The following CDK5RAP2 variants were observed in gnomAD, a reference collection of about 807,000 sequenced individuals.
CDK5RAP2 encodes the protein CDK5 regulatory subunit associated protein 2, also known as CDK5 regulatory subunit-associated protein 2.
A neutral mutation model predicts 232.9 loss-of-function variants in CDK5RAP2; 147 were observed. The observed-to-expected ratio is 0.63, with a 90% CI of 0.55 to 0.72. CDK5RAP2 has a LOEUF of 0.72. CDK5RAP2 is among the 30% of genes least tolerant of loss of function. CDK5RAP2 has a pLI of 0.00. For missense variants in CDK5RAP2, 2,195 were observed against 2,231.5 expected (o/e 0.98, Z 0.33); for synonymous variants, 833 against 833.7 (o/e 1.00, Z 0.01).
chr9:120,470,963 T>C (rs1011720959), intron 16 of CDK5RAP2, among the ~76,000 whole-genome samples: 3 of 152,218 alleles, frequency 2.0e-5, no homozygotes, highest in African/African-American at 7.2e-5. Flanking sequence ...GGCTGAAATC[T>C]GGGCACGTCA....
rs1417114822 is a variant in CDK5RAP2, at chr9:120,447,547, C to T, written c.3025+348G>A. Among the ~76,000 whole-genome samples the T allele has an allele frequency of 1.6e-4, 24 of 152,226 alleles. 1 individual carries two copies. The highest frequency in any genetic ancestry group is 1.6e-3 in the Admixed American group (24 of 15,280). ...TACAGAGAACCCTGCAAAGTGGACC[C>T]TCACTTGCATACCTCTGATGCCACA... On this transcript the variant is annotated intron_variant, in intron 22 of 37. Transcript: ENST00000349780.
At chr9:120,534,893 A>G (rs116229278) in intron 7 of CDK5RAP2, among the ~76,000 whole-genome samples, 71 of 152,294 alleles carry the variant, frequency 4.7e-4, no homozygotes, top group African/African-American at 1.5e-3. Flanking sequence ...GGGTTGGGAG[A>G]GATACAAGGG....
intron 21 of CDK5RAP2, among the ~76,000 whole-genome samples, chr9:120,451,135 C>T (rs532282169): frequency 1.3e-5 from 2 of 152,314 alleles, no homozygotes; most frequent in African/African-American, 4.8e-5. Flanking sequence ...TGGAAGACTG[C>T]CGTCAGTCAA....
intron 3 of CDK5RAP2, among the ~76,000 whole-genome samples, chr9:120,566,911 C>T (rs1204038624): frequency 6.6e-6 from 1 of 152,122 alleles, no homozygotes; most frequent in African/African-American, 2.4e-5. Context: ...AGATGTGAAA[C>T]CAAAATTCTA....
chr9:120,452,175 G>C (rs547012670), intron 21 of CDK5RAP2, among the ~76,000 whole-genome samples: 1 of 151,962 alleles, frequency 6.6e-6, no homozygotes, highest in South Asian at 2.1e-4. Context: ...GGGCAGATGA[G>C]AGCATTTCTA....
intron 18 of CDK5RAP2, among the ~76,000 whole-genome samples, chr9:120,462,976 A>G (rs1472487067): frequency 6.6e-6 from 1 of 152,232 alleles, no homozygotes; most frequent in Non-Finnish European, 1.5e-5. Flanking sequence ...GCAGGTGGGA[A>G]ATGTGAATAG....
intron 26 of CDK5RAP2, among the ~76,000 whole-genome samples, chr9:120,421,865 A>C (rs538105847): frequency 3.9e-4 from 60 of 152,368 alleles, no homozygotes; most frequent in African/African-American, 1.2e-3. Context: ...TGACAGATTC[A>C]AGTTCAAATC....
At chr9:120,494,717 G>A (rs1308676775) in intron 12 of CDK5RAP2, among the ~76,000 whole-genome samples, 1 of 150,358 alleles carries the variant, frequency 6.7e-6, no homozygotes, top group African/African-American at 2.4e-5. Context: ...TAACAACTAG[G>A]TAAACACCAC....
chr9:120,406,662 A>G (rs1588248100), intron 32 of CDK5RAP2: 1 of 280,572 alleles, frequency 3.6e-6, no homozygotes, highest in Non-Finnish European at 6.7e-6. Context: ...TAAGATGTTT[A>G]GGTTCCCTTC....
chr9:120,459,937 G>C (rs534932608), intron 19 of CDK5RAP2, among the ~76,000 whole-genome samples: 44 of 152,216 alleles, frequency 2.9e-4, no homozygotes, highest in African/African-American at 1.1e-3. Context: ...AGACTGCTTG[G>C]AGTCTCCTAC....
chr9:120,527,485 G>A (rs2040955850), intron 10 of CDK5RAP2, among the ~76,000 whole-genome samples: 1 of 146,534 alleles, frequency 6.8e-6, no homozygotes, highest in African/African-American at 2.5e-5. Flanking sequence ...TATTTTTACT[G>A]ATTATATGAT....
Position 120,518,517 on chromosome 9 carries a change from C to T in CDK5RAP2, c.1221G>A (p.Glu407=), listed in dbSNP as rs2040465733. 1 of 1,613,770 alleles carries T rather than the reference C, an allele frequency of 6.2e-7. No individual in the cohort carries two copies. Among genetic ancestry groups the T allele is most frequent in the African/African-American group, 1.3e-5 (1 of 74,944 alleles). The change falls in exon 12 of 38, where the codon GAG becomes GAA. Residue 407 remains glutamate, a synonymous_variant. Transcript: ENST00000349780. ...CCCTCTCCTGCTGCAAGTCACTCAG[C>T]TCCTGGGTGATCTTCTTAATGCTTC... The part of the protein sequence containing the change: ...LRRSIKKITQ[E]LSDLQQERER...
At position 120,469,870 on chromosome 9, in the gene CDK5RAP2, G is replaced by A. The variant is rs114444999; in HGVS notation, c.1968+241C>T. ...AAAGTGGCTAACTCTAAACTGAGGG[G>A]CCAGAGAGCTTTTCCTCAAGGAGAT... On this transcript the variant is annotated intron_variant, in intron 17 of 37. Coordinates refer to ENST00000349780, the MANE Select transcript of CDK5RAP2 (RefSeq NM_018249.6). Among the ~76,000 whole-genome samples, 1,054 of 152,270 alleles carry A rather than the reference G, an allele frequency of 6.9e-3. 10 individuals are homozygous for A. The highest frequency in any genetic ancestry group is 0.023 in the African/African-American group (967 of 41,548).
chr9:120,443,816 G>GAA, intron 22 of CDK5RAP2, 74 bp from the exon 23 acceptor site: 1 of 1,592,666 alleles, frequency 6.3e-7, no homozygotes, highest in Non-Finnish European at 8.6e-7. Flanking sequence ...CAACTGAGAA[G>GAA]AACACAAAGA....
At chr9:120,516,554 A>G (rs1055613956) in intron 12 of CDK5RAP2, among the ~76,000 whole-genome samples, 1 of 152,198 alleles carries the variant, frequency 6.6e-6, no homozygotes, top group African/African-American at 2.4e-5. Flanking sequence ...GGCTAGGTGC[A>G]GTGTCTCACA....
intron 12 of CDK5RAP2, among the ~76,000 whole-genome samples, chr9:120,496,833 A>AG: frequency 1.4e-5 from 2 of 138,552 alleles, no homozygotes; most frequent in Non-Finnish European, 3.0e-5. Flanking sequence ...CCGGGAGGTG[A>AG]GGGGCGCCTC....
At chr9:120,445,917 GT>G (rs1187471848) in intron 22 of CDK5RAP2, among the ~76,000 whole-genome samples, 2 of 152,158 alleles carry the variant, frequency 1.3e-5, no homozygotes, top group African/African-American at 4.8e-5. Flanking sequence ...TCTCGAGTAT[GT>G]CCAAACCAGA....
intron 11 of CDK5RAP2, among the ~76,000 whole-genome samples, 186 bp from the exon 12 acceptor site, chr9:120,518,831 T>C (rs1399676114): frequency 6.6e-6 from 1 of 152,068 alleles, no homozygotes; most frequent in Non-Finnish European, 1.5e-5. Flanking sequence ...ATGTTTCTTA[T>C]GATGTGGATG....
chr9:120,569,115 C>G (rs935977548), intron 2 of CDK5RAP2, among the ~76,000 whole-genome samples: 1 of 152,130 alleles, frequency 6.6e-6, no homozygotes, highest in African/African-American at 2.4e-5. Context: ...GGTTCCCTAT[C>G]GAGTGAGCAG....
Sources: allele counts gnomAD v4.1 joint callset (sites outside exome capture counted in the v4.1 genomes callset), GRCh38; gene constraint gnomAD v4.1.1; transcripts MANE v1.5; gene names NCBI Gene and HGNC (gene_info 2026-07-23, HGNC 2026-07-21).